The following GABRA6 variants were observed in gnomAD, a reference collection of about 807,000 sequenced individuals.
GABRA6 encodes the protein gamma-aminobutyric acid type A receptor subunit alpha6.
A neutral mutation model predicts 47.3 loss-of-function variants in GABRA6; 45 were observed. That is an observed-to-expected ratio of 0.95 (90% CI 0.75 to 1.22). The LOEUF is 1.22. GABRA6 is among the 50% of genes most tolerant of loss of function. The pLI is 0.00. For missense variants in GABRA6, 583 were observed against 549.3 expected (o/e 1.06, Z -0.61); for synonymous variants, 219 against 194.7 (o/e 1.12, Z -1.04).
chr5:161,699,616 C>T (rs1754943982), intron 8 of GABRA6, among the ~76,000 whole-genome samples: 1 of 149,804 alleles, frequency 6.7e-6, no homozygotes, highest in Non-Finnish European at 1.5e-5. Flanking sequence ...GTGCAGTGGC[C>T]ACCATACCAG....
At chr5:161,698,124 A>G (rs1438419698) in intron 8 of GABRA6, among the ~76,000 whole-genome samples, 1 of 152,134 alleles carries the variant, frequency 6.6e-6, no homozygotes, top group African/African-American at 2.4e-5. Flanking sequence ...TTGATTCGGC[A>G]TTTGTTTATT....
chr5:161,695,756 C>A (rs1056896956), intron 8 of GABRA6, among the ~76,000 whole-genome samples: 1 of 152,066 alleles, frequency 6.6e-6, no homozygotes, highest in Admixed American at 6.6e-5. Flanking sequence ...ACCAAAATTT[C>A]ATTAGTCAGG....
At chr5:161,696,438 A>G (rs2113082362) in intron 8 of GABRA6, among the ~76,000 whole-genome samples, 1 of 151,088 alleles carries the variant, frequency 6.6e-6, no homozygotes, top group East Asian at 1.9e-4. Flanking sequence ...CCTCCCTACA[A>G]TTAAGGACTG....
Position 161,701,658 on chromosome 5 carries a change from A to T in GABRA6, c.1247A>T (p.Lys416Ile). 6.2e-7 allele frequency: 1 copy of T among 1,614,180 alleles called. No homozygotes were observed. Among genetic ancestry groups the T allele is most frequent in the Non-Finnish European group, 8.5e-7 (1 of 1,180,026 alleles). The change falls in exon 9 of 9, where the codon AAA (lysine) becomes ATA (isoleucine). Residue 416 changes from lysine to isoleucine, a missense_variant. Coordinates refer to ENST00000274545, the MANE Select transcript of GABRA6 (RefSeq NM_000811.3). ...TCGCCAGCCTTTGGAGGCACCAGTAAAATAGACCAGTATTCTCGAATTCTC... is the reference window on the plus strand; with the variant it reads ...TCGCCAGCCTTTGGAGGCACCAGTATAATAGACCAGTATTCTCGAATTCTC... ...PLSPAFGGTS[K>I]IDQYSRILFP...
At position 161,686,123 on chromosome 5, in the gene GABRA6, G is replaced by A. The variant is rs1272923260; in HGVS notation, c.38+96G>A. 2.2e-6 allele frequency: 3 copies of A among 1,386,032 alleles called. No individual in the cohort carries two copies. The African/African-American group carries it at 4.2e-5, about 20-fold the overall frequency. The allele number at this position is 1,386,032 out of a possible 1,614,324, so 85.9% of individuals were successfully genotyped here. A position where few individuals can be genotyped will look rare whatever the true frequency, so the allele number is the denominator to read the frequency against. On this transcript the variant is annotated intron_variant, in intron 1 of 8. Coordinates refer to ENST00000274545, the MANE Select transcript of GABRA6 (RefSeq NM_000811.3). ...GACTCCTATATCAAATCATGAAAGA[G>A]GCCAGAAGTGGTGTTGCATGTATTT...
rs778782886 is a variant in GABRA6 at position 161,690,243 on chromosome 5, A to T, written c.716A>T (p.Lys239Met). The T allele has an allele frequency of 6.2e-7, 1 of 1,613,778 alleles. No individual in the cohort carries two copies. Among genetic ancestry groups the T allele is most frequent in the Admixed American group, 1.7e-5 (1 of 60,022 alleles). Residue 239 changes from lysine (K) to methionine (M), a missense_variant, in exon 7 of 9, where the codon AAG becomes ATG. By Grantham distance (95) the Lys-to-Met change is moderately conservative. Transcript: ENST00000274545. ...IMTVYFHLQR[K>M]MGYFMIQIYT... ...ACAGTTTACTTCCACTTGCAAAGGAAGATGGGCTACTTCATGATACAGATA... is the reference window on the plus strand; with the variant it reads ...ACAGTTTACTTCCACTTGCAAAGGATGATGGGCTACTTCATGATACAGATA...
intron 6 of GABRA6, 58 bp downstream of exon 6, chr5:161,689,837 T>C: frequency 6.7e-7 from 1 of 1,496,608 alleles, no homozygotes; most frequent in Non-Finnish European, 9.3e-7. Flanking sequence ...GTGCACATTT[T>C]CAAAATATCT....
At chr5:161,691,831 T>C in intron 7 of GABRA6, 110 bp from the exon 8 acceptor site, 1 of 853,112 alleles carries the variant, frequency 1.2e-6, no homozygotes, top group Non-Finnish European at 1.9e-6. Context: ...TTTTTAAAAA[T>C]GACTTTGCCT....
chr5:161,697,842 A>G (rs1386189131), intron 8 of GABRA6, among the ~76,000 whole-genome samples: 1 of 152,206 alleles, frequency 6.6e-6, no homozygotes, highest in African/African-American at 2.4e-5. Context: ...CCTGCCACTC[A>G]TTATCTTTGT....
At chr5:161,696,052 T>C (rs915683099) in intron 8 of GABRA6, among the ~76,000 whole-genome samples, 1 of 152,102 alleles carries the variant, frequency 6.6e-6, no homozygotes, top group Non-Finnish European at 1.5e-5. Context: ...AGATGTATAG[T>C]GAGCTGCAGA....
intron 8 of GABRA6, among the ~76,000 whole-genome samples, chr5:161,694,134 T>A (rs1754848029): frequency 6.6e-6 from 1 of 152,100 alleles, no homozygotes. Context: ...TTTCTGAGAA[T>A]TTTTTCATAT....
At chr5:161,690,464 G>A (rs920894697) in intron 7 of GABRA6, 111 bp downstream of exon 7, 3 of 1,097,606 alleles carry the variant, frequency 2.7e-6, no homozygotes, top group Admixed American at 3.5e-5. Flanking sequence ...AAAGAAAATA[G>A]GTTCCTGTCT....
At chr5:161,695,479 T>C (rs1444125705) in intron 8 of GABRA6, among the ~76,000 whole-genome samples, 4 of 152,086 alleles carry the variant, frequency 2.6e-5, no homozygotes, top group Non-Finnish European at 5.9e-5. Flanking sequence ...TACTTATATC[T>C]TCATGAGTTT....
At chr5:161,691,714 A>C (rs1156271011) in intron 7 of GABRA6, among the ~76,000 whole-genome samples, 1 of 152,090 alleles carries the variant, frequency 6.6e-6, no homozygotes, top group African/African-American at 2.4e-5. Flanking sequence ...CAGCAAACTC[A>C]AAATTTTTTG....
At chr5:161,698,960 T>C (rs1053287068) in intron 8 of GABRA6, among the ~76,000 whole-genome samples, 2 of 152,228 alleles carry the variant, frequency 1.3e-5, no homozygotes, top group African/African-American at 4.8e-5. Context: ...ATGGTACTTC[T>C]GACTTCCGGA....
intron 8 of GABRA6, among the ~76,000 whole-genome samples, chr5:161,699,839 T>A (rs1009611836): frequency 1.3e-5 from 2 of 152,226 alleles, no homozygotes; most frequent in African/African-American, 4.8e-5. Context: ...TAAACTCTCT[T>A]CTACCTCTAA....
At chr5:161,695,329 T>C (rs1754868471) in intron 8 of GABRA6, among the ~76,000 whole-genome samples, 1 of 152,174 alleles carries the variant, frequency 6.6e-6, no homozygotes, top group Non-Finnish European at 1.5e-5. Flanking sequence ...TATCTTTCTG[T>C]TTTTAAGACA....
chr5:161,701,586 C>T lies in GABRA6; in HGVS notation c.1175C>T (p.Thr392Met), dbSNP rs1218389878. The change falls in exon 9 of 9, where the codon ACG (threonine) becomes ATG (methionine). Residue 392 changes from threonine to methionine, a missense_variant. Transcript: ENST00000274545. ...TCTTCCGAGGCCAATAAAGTGCTCA[C>T]GAGAGCGCCCATCTTACAATCAACA... ...VSSSEANKVL[T>M]RAPILQSTPV... The T allele has an allele frequency of 1.6e-5, 26 of 1,614,168 alleles. No individual in the cohort carries two copies. The highest frequency in any genetic ancestry group is 3.3e-4 in the Middle Eastern group (2 of 6,062).
At chr5:161,692,320 T>A (rs1320284505) in intron 8 of GABRA6, 120 bp downstream of exon 8, 2 of 1,206,634 alleles carry the variant, frequency 1.7e-6, no homozygotes, top group African/African-American at 3.0e-5. Flanking sequence ...TAACTGTAGT[T>A]TCAAGAGCAA....
Sources: allele counts gnomAD v4.1 joint callset (sites outside exome capture counted in the v4.1 genomes callset), GRCh38; gene constraint gnomAD v4.1.1; transcripts MANE v1.5; gene names NCBI Gene and HGNC (gene_info 2026-07-23, HGNC 2026-07-21).